KCNIP4: variants seen among roughly 807,000 people sequenced by gnomAD.
KCNIP4 encodes the protein potassium voltage-gated channel interacting protein 4.
Under a neutral mutation model 34.0 loss-of-function variants are expected in KCNIP4, and 12 were observed. The observed-to-expected ratio is 0.35, with a 90% confidence interval of 0.23 to 0.57. The LOEUF (loss-of-function observed/expected upper bound fraction) is 0.57. Among genes scored for constraint, KCNIP4 ranks in the 20% least tolerant of loss-of-function variants. The pLI, the probability that KCNIP4 is intolerant of heterozygous loss-of-function variation, is 0.83. For synonymous variants in KCNIP4, 124 were observed against 102.2 expected (o/e 1.21, Z -1.29); for missense variants, 238 against 311.7 (o/e 0.76, Z 1.78).
chr4:21,830,522 T>C (rs1722918595), intron 1 of KCNIP4, among the ~76,000 whole-genome samples: 1 of 151,570 alleles, frequency 6.6e-6, no homozygotes, highest in Non-Finnish European at 1.5e-5. Context: ...CTAAACACAA[T>C]ACAAAAATTC....
At chr4:20,846,687 A>T (rs1288303233) in intron 3 of KCNIP4, among the ~76,000 whole-genome samples, 1 of 152,064 alleles carries the variant, frequency 6.6e-6, no homozygotes, top group African/African-American at 2.4e-5. Context: ...ACACACACAC[A>T]CCAAAGACTT....
chr4:21,741,393 A>G (rs1364226146), intron 1 of KCNIP4, among the ~76,000 whole-genome samples: 3 of 152,168 alleles, frequency 2.0e-5, no homozygotes, highest in East Asian at 3.9e-4. Context: ...TCTGACCTCT[A>G]TGAGGACACT....
intron 1 of KCNIP4, among the ~76,000 whole-genome samples, chr4:20,979,850 T>C (rs1276436373): frequency 1.3e-5 from 2 of 152,192 alleles, no homozygotes; most frequent in Non-Finnish European, 2.9e-5. Context: ...CTTCTAGTGT[T>C]GAACCCCAAG....
chr4:21,743,306 C>A (rs1010425035), intron 1 of KCNIP4, among the ~76,000 whole-genome samples: 2 of 152,104 alleles, frequency 1.3e-5, no homozygotes, highest in African/African-American at 4.8e-5. Context: ...AGAGGCCACC[C>A]ACATTCCTTG....
chr4:21,502,322 T>G (rs183461781), intron 1 of KCNIP4, among the ~76,000 whole-genome samples: 89 of 152,092 alleles, frequency 5.9e-4, no homozygotes, highest in African/African-American at 2.1e-3. Context: ...ATGAGAAAAT[T>G]GAGGTGGAAG....
At chr4:20,965,170 A>T (rs73245203) in intron 1 of KCNIP4, among the ~76,000 whole-genome samples, 20,303 of 152,162 alleles carry the variant, frequency 0.13, 1,378 homozygotes, top group African/African-American at 0.14. Context: ...AAAAAGAAGC[A>T]AAGGAAGGAA....
intron 1 of KCNIP4, among the ~76,000 whole-genome samples, chr4:21,644,845 T>A (rs893543235): frequency 6.6e-6 from 1 of 152,178 alleles, no homozygotes; most frequent in Non-Finnish European, 1.5e-5. Context: ...TTATCATATG[T>A]CTTCAAGGCA....
chr4:21,910,066 C>T (rs1728218781), intron 1 of KCNIP4, among the ~76,000 whole-genome samples: 1 of 152,054 alleles, frequency 6.6e-6, no homozygotes, highest in African/African-American at 2.4e-5. Context: ...GATGATGCTA[C>T]CCTGAAAGCA....
At chr4:21,678,443 A>G (rs1029458045) in intron 1 of KCNIP4, among the ~76,000 whole-genome samples, 2 of 151,942 alleles carry the variant, frequency 1.3e-5, no homozygotes, top group African/African-American at 4.8e-5. Flanking sequence ...CTACAACTTA[A>G]TTGTAACTGC....
intron 1 of KCNIP4, among the ~76,000 whole-genome samples, chr4:21,152,285 T>G (rs547753732): frequency 3.9e-5 from 6 of 152,258 alleles, no homozygotes; most frequent in African/African-American, 1.4e-4. Context: ...TTTAGGAAAC[T>G]GTTGACCCTA....
intron 1 of KCNIP4, among the ~76,000 whole-genome samples, chr4:21,662,347 AG>A (rs1748516364): frequency 6.6e-6 from 1 of 152,246 alleles, no homozygotes; most frequent in African/African-American, 2.4e-5. Flanking sequence ...AAAGTCACAC[AG>A]TTTACAATCT....
In KCNIP4 at chr4:21,270,851, T is replaced by C. The variant is rs560860705; in HGVS notation, c.62-388142A>G. Among the ~76,000 whole-genome samples, 372 of 152,098 alleles carry C rather than the reference T, an allele frequency of 2.4e-3. 3 individuals are homozygous for C. Among genetic ancestry groups the C allele is most frequent in the Non-Finnish European group, 2.8e-3 (188 of 67,990 alleles). The stretch of plus-strand genomic sequence containing the variant: ...AAAATTCAAAAATTAGCCAGGAATG[T>C]GGTGTGCACCTATAGTTACAGCTAT... On this transcript the variant is annotated intron_variant, in intron 1 of 8. Transcript: ENST00000382152.
intron 1 of KCNIP4, among the ~76,000 whole-genome samples, chr4:21,096,706 T>A (rs1747485718): frequency 6.6e-6 from 1 of 152,190 alleles, no homozygotes; most frequent in South Asian, 2.1e-4. Flanking sequence ...ATTTACAATA[T>A]ATATTTGGTT....
At chr4:21,746,532 T>A (rs963290140) in intron 1 of KCNIP4, among the ~76,000 whole-genome samples, 1 of 151,908 alleles carries the variant, frequency 6.6e-6, no homozygotes, top group African/African-American at 2.4e-5. Flanking sequence ...AAACTTTCAA[T>A]ATTAATCAAG....
intron 1 of KCNIP4, among the ~76,000 whole-genome samples, chr4:21,210,486 A>G (rs1054642020): frequency 6.6e-6 from 1 of 152,214 alleles, no homozygotes; most frequent in Non-Finnish European, 1.5e-5. Context: ...TAAAAGAATT[A>G]CCAGTTACAT....
chr4:21,895,969 A>G (rs1319968991), intron 1 of KCNIP4, among the ~76,000 whole-genome samples: 1 of 152,198 alleles, frequency 6.6e-6, no homozygotes, highest in East Asian at 1.9e-4. Flanking sequence ...TCCCTAAAGA[A>G]TAAATGAATG....
chr4:20,960,795 T>C (rs10212720), intron 1 of KCNIP4, among the ~76,000 whole-genome samples: 145 of 152,240 alleles, frequency 9.5e-4, no homozygotes, highest in African/African-American at 3.0e-3. Flanking sequence ...ATCAGTCTAT[T>C]AGAAGGTAAT....
intron 1 of KCNIP4, among the ~76,000 whole-genome samples, chr4:20,921,007 T>A (rs1276975258): frequency 6.6e-6 from 1 of 151,182 alleles, no homozygotes; most frequent in African/African-American, 2.4e-5. Context: ...ATAAAATAAA[T>A]AAAAAAGATA....
intron 1 of KCNIP4, among the ~76,000 whole-genome samples, chr4:21,947,246 C>T (rs575341552): frequency 1.3e-5 from 2 of 152,330 alleles, no homozygotes; most frequent in African/African-American, 2.4e-5. Flanking sequence ...ACTCAGGAAA[C>T]ATTTGATCTC....
Sources: gnomAD v4.1 joint callset for allele counts (sites outside exome capture counted in the v4.1 genomes callset) on GRCh38, gnomAD v4.1.1 for gene constraint, MANE v1.5 for transcripts, NCBI Gene and HGNC (gene_info 2026-07-23, HGNC 2026-07-21) for gene names.